Variants in PCSK6 observed in about 807,000 individuals in gnomAD.
PCSK6 encodes proprotein convertase subtilisin/kexin type 6.
PCSK6 carries 85 observed loss-of-function variants against 123.3 expected under a neutral mutation model. That is an observed-to-expected ratio of 0.69 (90% CI 0.58 to 0.83). PCSK6 has a LOEUF of 0.83. Among genes scored for constraint, PCSK6 ranks in the 40% least tolerant of loss-of-function variants. The pLI, the probability that PCSK6 is intolerant of heterozygous loss-of-function variation, is 0.00. For missense variants in PCSK6, 1,191 were observed against 1,282.3 expected (o/e 0.93, Z 1.09); for synonymous variants, 508 against 516.0 (o/e 0.98, Z 0.21).
At chr15:101,476,657 G>C (rs2057739420) in intron 1 of PCSK6, among the ~76,000 whole-genome samples, 1 of 152,056 alleles carries the variant, frequency 6.6e-6, no homozygotes, top group Admixed American at 6.6e-5. Context: ...ACTAATGTGT[G>C]AACAGTGGTG....
At chr15:101,409,885 T>C (rs547731457) in intron 6 of PCSK6, among the ~76,000 whole-genome samples, 2 of 152,308 alleles carry the variant, frequency 1.3e-5, no homozygotes, top group South Asian at 4.1e-4. Flanking sequence ...GTGCAGTGGA[T>C]GGGATCACAT....
chr15:101,320,918 CA>C (rs1481737890), intron 18 of PCSK6, among the ~76,000 whole-genome samples: 1 of 152,182 alleles, frequency 6.6e-6, no homozygotes, highest in African/African-American at 2.4e-5. Flanking sequence ...GGGCTACCGA[CA>C]GGAGGCGTTT....
chr15:101,387,778 G>A (rs1357425177), intron 9 of PCSK6, among the ~76,000 whole-genome samples: 2 of 152,260 alleles, frequency 1.3e-5, no homozygotes, highest in Non-Finnish European at 2.9e-5. Context: ...CACAGCAGTA[G>A]TGAACAGAGA....
chr15:101,309,161 G>A (rs1451458799), intron 20 of PCSK6: 1 of 152,804 alleles, frequency 6.5e-6, no homozygotes, highest in Non-Finnish European at 1.5e-5. Context: ...AGAAGTCCAG[G>A]CAGGTGCAGC....
chr15:101,385,657 T>C (rs950850461), intron 9 of PCSK6, among the ~76,000 whole-genome samples: 5 of 152,224 alleles, frequency 3.3e-5, no homozygotes, highest in Non-Finnish European at 7.3e-5. Flanking sequence ...CAGAGAATAG[T>C]ATAAAATAAG....
chr15:101,331,698 G>C lies in PCSK6; in HGVS notation c.2039-9C>G. On this transcript the variant is annotated splice_polypyrimidine_tract_variant and intron_variant, in intron 14 of 21. Coordinates refer to ENST00000611716, the MANE Select transcript of PCSK6 (RefSeq NM_002570.5). ...GCCTGGGGTGGATTGAGCTGTGTGA[G>C]TGCAAATTGCCATGATTATTATGAC... is the stretch of plus-strand genomic sequence containing the variant. The C allele has an allele frequency of 1.2e-6, 2 of 1,612,048 alleles. No individual in the cohort carries two copies. The highest frequency in any genetic ancestry group is 1.7e-6 in the Non-Finnish European group (2 of 1,179,260).
chr15:101,402,151 G>C (rs1190793564), intron 6 of PCSK6, among the ~76,000 whole-genome samples: 9 of 145,738 alleles, frequency 6.2e-5, no homozygotes, highest in African/African-American at 1.8e-4. Flanking sequence ...ACAAACCTGA[G>C]AAAAACAAGC....
At chr15:101,404,537 C>T (rs549207893) in intron 6 of PCSK6, among the ~76,000 whole-genome samples, 128 of 152,244 alleles carry the variant, frequency 8.4e-4, no homozygotes, top group African/African-American at 2.8e-3. Flanking sequence ...CTGGCAAGAT[C>T]GTGGCCGCCG....
At position 101,322,551 on chromosome 15, in the gene PCSK6, C is replaced by T. The variant is rs2040150955; in HGVS notation, c.2434G>A (p.Glu812Lys). 6.2e-7 allele frequency: 1 copy of T among 1,613,804 alleles called. No homozygotes were observed. Among genetic ancestry groups the T allele is most frequent in the Non-Finnish European group, 8.5e-7 (1 of 1,179,748 alleles). Residue 812 changes from glutamate (E) to lysine (K), a missense_variant, in exon 18 of 22, where the codon GAG becomes AAG. By Grantham distance (56) the Glu-to-Lys change is moderately conservative (BLOSUM62 1). Transcript: ENST00000611716. ...PSCKKCVDEP[E>K]KCTVCKEGFS... ...CCTTCTTTACAGACAGTACATTTCT[C>T]AGGTTCATCCACGCACTTTTTACAG...
chr15:101,432,719 A>T (rs1351568588), intron 2 of PCSK6, among the ~76,000 whole-genome samples: 1 of 152,206 alleles, frequency 6.6e-6, no homozygotes, highest in Non-Finnish European at 1.5e-5. Flanking sequence ...AGCCTTGTGA[A>T]ATTGCCGATA....
chr15:101,353,913 G>A (rs1228848521), intron 13 of PCSK6, among the ~76,000 whole-genome samples: 4 of 152,220 alleles, frequency 2.6e-5, no homozygotes, highest in South Asian at 2.1e-4. Context: ...TCCACAAAAG[G>A]AGAATCTAAA....
chr15:101,439,487 T>G (rs1165257735), intron 2 of PCSK6, among the ~76,000 whole-genome samples: 1 of 152,246 alleles, frequency 6.6e-6, no homozygotes, highest in Non-Finnish European at 1.5e-5. Context: ...GGGGGAGCAG[T>G]CCACCGTCCC....
chr15:101,470,755 G>T (rs575858686), intron 1 of PCSK6, among the ~76,000 whole-genome samples: 2 of 152,282 alleles, frequency 1.3e-5, no homozygotes, highest in East Asian at 3.9e-4. Context: ...TGACCGCTGT[G>T]TCTTTGCTGC....
At chr15:101,358,297 AC>A (rs918130582) in intron 13 of PCSK6, among the ~76,000 whole-genome samples, 5 of 152,076 alleles carry the variant, frequency 3.3e-5, no homozygotes, top group Non-Finnish European at 7.4e-5. Context: ...TTTCTATGCT[AC>A]TAAGATAAAA....
At chr15:101,425,798 G>C (rs2056237115) in intron 6 of PCSK6, among the ~76,000 whole-genome samples, 1 of 152,146 alleles carries the variant, frequency 6.6e-6, no homozygotes, top group Non-Finnish European at 1.5e-5. Context: ...GATGAGTGTA[G>C]AGCTATCTAA....
intron 6 of PCSK6, among the ~76,000 whole-genome samples, chr15:101,418,120 T>C (rs192438872): frequency 9.5e-4 from 145 of 152,220 alleles, no homozygotes; most frequent in Middle Eastern, 3.4e-3. Flanking sequence ...TCTTGAAAAA[T>C]TGATGATTTT....
intron 20 of PCSK6, among the ~76,000 whole-genome samples, chr15:101,311,251 C>T (rs984329736): frequency 6.6e-6 from 1 of 151,288 alleles, no homozygotes; most frequent in South Asian, 2.1e-4. Flanking sequence ...ACTGGGATTA[C>T]AGGCACACAC....
intron 6 of PCSK6, among the ~76,000 whole-genome samples, chr15:101,406,124 C>T (rs2042771498): frequency 6.6e-6 from 1 of 152,116 alleles, no homozygotes; most frequent in South Asian, 2.1e-4. Flanking sequence ...GCAGCCGGCC[C>T]CAGTCAGCAC....
intron 13 of PCSK6, among the ~76,000 whole-genome samples, chr15:101,342,437 G>T (rs1016164080): frequency 4.6e-5 from 7 of 152,198 alleles, no homozygotes; most frequent in Non-Finnish European, 8.8e-5. Context: ...ACAAATATTT[G>T]ATTAATCTAA....
Sources: gnomAD v4.1 joint callset for allele counts (sites outside exome capture counted in the v4.1 genomes callset) on GRCh38, gnomAD v4.1.1 for gene constraint, MANE v1.5 for transcripts, NCBI Gene and HGNC (gene_info 2026-07-23, HGNC 2026-07-21) for gene names.